The following CADM1 variants were observed in gnomAD, a reference collection of about 807,000 sequenced individuals.
CADM1 encodes the protein TSLC-1.
Under a neutral mutation model 53.1 loss-of-function variants are expected in CADM1, and 15 were observed. The ratio of observed to expected loss-of-function variants is 0.28; its 90% CI spans 0.19 to 0.44. The LOEUF (loss-of-function observed/expected upper bound fraction) is 0.44. CADM1 is among the 20% of genes least tolerant of loss of function. CADM1 has a pLI of 1.00. For missense variants in CADM1, 434 were observed against 611.3 expected (o/e 0.71, Z 3.06); for synonymous variants, 281 against 243.0 (o/e 1.16, Z -1.45).
In CADM1 at chr11:115,247,538, A is replaced by C. The variant is rs543146268; in HGVS notation, c.125-7118T>G. Among the ~76,000 whole-genome samples the C allele has an allele frequency of 7.2e-5, 11 of 152,362 alleles. No homozygotes were observed. In the South Asian group the frequency reaches 2.1e-3, roughly 29 times the overall value. ...CTAGTTCATTAATCATTGTTCAGACAACCACAAGGGGGTTAAAGATGGAAT... is the reference window on the plus strand; with the variant it reads ...CTAGTTCATTAATCATTGTTCAGACCACCACAAGGGGGTTAAAGATGGAAT... On this transcript the variant is annotated intron_variant, in intron 1 of 11. Transcript: ENST00000331581.
At chr11:115,434,446 C>G (rs1411248347) in intron 1 of CADM1, among the ~76,000 whole-genome samples, 1 of 152,198 alleles carries the variant, frequency 6.6e-6, no homozygotes, top group East Asian at 1.9e-4. Flanking sequence ...TTGCCCGACG[C>G]TGACTACACA....
chr11:115,227,527 T>A (rs73574117), intron 5 of CADM1, among the ~76,000 whole-genome samples: 5 of 152,156 alleles, frequency 3.3e-5, no homozygotes, highest in Non-Finnish European at 7.3e-5. Context: ...ACAAGGAAAG[T>A]TAATGGATAT....
chr11:115,363,779 A>T (rs912408552), intron 1 of CADM1: 10 of 152,338 alleles, frequency 6.6e-5, no homozygotes, highest in Admixed American at 6.5e-4. Context: ...AATTTTAAAT[A>T]CAGTCATGCA....
chr11:115,415,605 G>A (rs1313329991), intron 1 of CADM1, among the ~76,000 whole-genome samples: 1 of 151,976 alleles, frequency 6.6e-6, no homozygotes, highest in Admixed American at 6.6e-5. Context: ...GGGAGGCCAA[G>A]GCACGTGGAT....
At chr11:115,329,426 G>C (rs185945661) in intron 1 of CADM1, among the ~76,000 whole-genome samples, 1 of 151,992 alleles carries the variant, frequency 6.6e-6, no homozygotes, top group African/African-American at 2.4e-5. Context: ...ACTATGAAAC[G>C]GGAGAGTTCC....
chr11:115,425,490 G>T (rs1947866763), intron 1 of CADM1, among the ~76,000 whole-genome samples: 1 of 152,200 alleles, frequency 6.6e-6, no homozygotes, highest in Admixed American at 6.5e-5. Flanking sequence ...TTGTTGCTAG[G>T]TAACCGCATC....
chr11:115,449,137 C>T (rs1175582545), intron 1 of CADM1, among the ~76,000 whole-genome samples: 1 of 152,126 alleles, frequency 6.6e-6, no homozygotes, highest in African/African-American at 2.4e-5. Flanking sequence ...TTGCAAGCCA[C>T]CAGCGGACCC....
At chr11:115,427,281 T>G (rs1006174083) in intron 1 of CADM1, among the ~76,000 whole-genome samples, 2 of 152,170 alleles carry the variant, frequency 1.3e-5, no homozygotes, top group East Asian at 3.9e-4. Flanking sequence ...GTCTATCAAT[T>G]GGGGAACAGC....
intron 1 of CADM1, chr11:115,287,315 T>C (rs1010036564): frequency 1.3e-5 from 2 of 152,200 alleles, no homozygotes; most frequent in African/African-American, 4.8e-5. Context: ...GTTATTCTAT[T>C]GAAAGGTATG....
intron 1 of CADM1, among the ~76,000 whole-genome samples, chr11:115,446,939 T>G (rs765918899): frequency 6.6e-6 from 1 of 152,168 alleles, no homozygotes; most frequent in Non-Finnish European, 1.5e-5. Flanking sequence ...CAAACAGGTA[T>G]GAATCCTGAA....
intron 1 of CADM1, among the ~76,000 whole-genome samples, chr11:115,395,370 A>G (rs1196490762): frequency 6.6e-6 from 1 of 152,228 alleles, no homozygotes; most frequent in Admixed American, 6.5e-5. Flanking sequence ...AAAAATTACT[A>G]AACCAATGCA....
intron 1 of CADM1, among the ~76,000 whole-genome samples, chr11:115,329,347 G>A (rs1456837584): frequency 2.6e-5 from 4 of 152,116 alleles, no homozygotes; most frequent in Admixed American, 6.6e-5. Flanking sequence ...ATCAGTTTTA[G>A]GTTGGATCTG....
chr11:115,364,683 T>C (rs1946114315), intron 1 of CADM1, among the ~76,000 whole-genome samples: 1 of 152,242 alleles, frequency 6.6e-6, no homozygotes, highest in African/African-American at 2.4e-5. Flanking sequence ...CAGTCAGTAG[T>C]AACACTTAAG....
At chr11:115,499,060 A>G (rs996554919) in intron 1 of CADM1, among the ~76,000 whole-genome samples, 1 of 148,308 alleles carries the variant, frequency 6.7e-6, no homozygotes, top group Non-Finnish European at 1.5e-5. Context: ...TGATCAATGT[A>G]AAAAAAAAAG....
intron 1 of CADM1, among the ~76,000 whole-genome samples, chr11:115,428,005 CAAAAAAAAAAA>C (rs66872817): frequency 1.9e-5 from 1 of 54,032 alleles, no homozygotes; most frequent in African/African-American, 8.9e-5. Context: ...GACTCCATCT[CAAAAAAAAAAA>C]AAAAAAAAAA....
intron 1 of CADM1, among the ~76,000 whole-genome samples, chr11:115,502,190 T>C (rs1949741471): frequency 1.3e-5 from 2 of 152,288 alleles, no homozygotes; most frequent in South Asian, 4.1e-4. Flanking sequence ...CCGTTGCTAC[T>C]ACCCGGTGCC....
intron 1 of CADM1, among the ~76,000 whole-genome samples, chr11:115,258,234 G>A (rs1217398921): frequency 1.3e-5 from 2 of 151,724 alleles, no homozygotes; most frequent in African/African-American, 4.8e-5. Flanking sequence ...CTTTTTTTCT[G>A]CTGCCCATTA....
At chr11:115,207,514 C>G (rs973141728) in intron 8 of CADM1, among the ~76,000 whole-genome samples, 4 of 151,790 alleles carry the variant, frequency 2.6e-5, no homozygotes, top group Non-Finnish European at 5.9e-5. Context: ...GAGCTGTGAA[C>G]TGAAGCGACT....
intron 1 of CADM1, among the ~76,000 whole-genome samples, chr11:115,360,308 A>C (rs912072602): frequency 3.9e-5 from 6 of 152,192 alleles, no homozygotes; most frequent in African/African-American, 1.4e-4. Context: ...CAGTGAAATT[A>C]AATTATATTG....
Sources: allele counts gnomAD v4.1 joint callset (sites outside exome capture counted in the v4.1 genomes callset), GRCh38; gene constraint gnomAD v4.1.1; transcripts MANE v1.5; gene names NCBI Gene and HGNC (gene_info 2026-07-23, HGNC 2026-07-21).